Variants in TAF4 observed in about 807,000 individuals in gnomAD.
The protein encoded by TAF4 is TATA-box binding protein associated factor 4.
In TAF4, 9 loss-of-function variants were observed where a neutral mutation model predicts 90.3. The observed-to-expected ratio is 0.10, with a 90% CI of 0.06 to 0.17. The LOEUF (loss-of-function observed/expected upper bound fraction) is 0.17. Ranked by LOEUF, TAF4 falls within the 10% of genes least tolerant of loss-of-function variation. The pLI is 1.00. For missense variants in TAF4, 1,351 were observed against 1,370.7 expected (o/e 0.99, Z 0.23); for synonymous variants, 818 against 638.9 (o/e 1.28, Z -4.23).
rs373966914 is a variant in TAF4 at position 62,006,732 on chromosome 20, C to T, written c.2001G>A (p.Leu667=). 6.5e-6 allele frequency: 10 copies of T among 1,543,706 alleles called. No individual in the cohort carries two copies. Among genetic ancestry groups the T allele is most frequent in the African/African-American group, 1.4e-5 (1 of 71,994 alleles). ...LKRSLPALRQ[L]TPDSAAFIQQ... ...GGATGAAGGCCGCGGAGTCGGGGGT[C>T]AGCTGTCTCAAGGCGGGTAAGCTCC... Residue 667 remains leucine (L), a synonymous_variant, in exon 7 of 15, where the codon CTG becomes CTA. Transcript: ENST00000252996. This position sits in a 1 kb window ranked among gnomAD's most constrained non-coding sequence, Gnocchi z 7.0.
At chr20:62,040,328 G>A (rs76821873) in intron 1 of TAF4, among the ~76,000 whole-genome samples, 1,665 of 152,316 alleles carry the variant, frequency 0.011, 9 homozygotes, top group Non-Finnish European at 0.017. Flanking sequence ...CACACCACTT[G>A]GGCACCACGC....
In TAF4 at chr20:62,003,225, A is replaced by T. The variant is rs1322110880; in HGVS notation, c.2421T>A (p.Ala807=). 1 of 1,614,190 alleles carries T rather than the reference A, an allele frequency of 6.2e-7. No individual in the cohort carries two copies. The highest frequency in any genetic ancestry group is 2.2e-5 in the East Asian group (1 of 44,878). The change falls in exon 9 of 15, where the codon GCT becomes GCA. Residue 807 remains alanine, a synonymous_variant. Transcript: ENST00000252996. ...AVLPGTKALS[A]VSAQAAAAQK... ...GTGCAGCAGCTGCTTGTGCCGAGAC[A>T]GCAGAAAGGGCTTTGGTTCCAGGTA...
At chr20:62,034,619 C>G (rs1443749619) in intron 1 of TAF4, among the ~76,000 whole-genome samples, 1 of 152,096 alleles carries the variant, frequency 6.6e-6, no homozygotes, top group Non-Finnish European at 1.5e-5. Flanking sequence ...CATGAGCCAT[C>G]ATTCCCAGCC....
chr20:61,997,528 C>T (rs2055670826), intron 14 of TAF4, 22 bp downstream of exon 14: 4 of 1,550,172 alleles, frequency 2.6e-6, no homozygotes, highest in East Asian at 2.4e-5. Context: ...CCCAGGACCT[C>T]GATCCCACAA....
intron 9 of TAF4, 127 bp downstream of exon 9, chr20:62,003,033 G>A (rs372220865): frequency 1.5e-5 from 10 of 660,822 alleles, no homozygotes; most frequent in East Asian, 2.7e-5. Flanking sequence ...CGTGAAGCAG[G>A]AGCCTTGGAG....
At position 62,059,781 on chromosome 20, in the gene TAF4, G is replaced by A. The variant is rs911615378; in HGVS notation, c.1360+4670C>T. 2.0e-5 allele frequency among the ~76,000 whole-genome samples: 3 copies of A among 152,182 alleles called. No homozygotes were observed. The South Asian group carries it at 6.2e-4, about 31-fold the overall frequency. ...ATGAAGAAGAAAAGCAAAGCACTTC[G>A]GGAACCCTGCAAATTACCCCAAATC... On this transcript the variant is annotated intron_variant, in intron 1 of 14. Coordinates refer to ENST00000252996, the MANE Select transcript of TAF4 (RefSeq NM_003185.4).
rs538229064 is a variant in TAF4, at chr20:62,023,506, G to A, written c.1361-8799C>T. ...GATGCATTAGAAAGCTCAGCACTTC[G>A]GAAGGCCGAGGCGGGGAGACTGCTT... On this transcript the variant is annotated intron_variant, in intron 1 of 14. Coordinates refer to ENST00000252996, the MANE Select transcript of TAF4 (RefSeq NM_003185.4). Among the ~76,000 whole-genome samples, 44 of 151,204 alleles carry A rather than the reference G, an allele frequency of 2.9e-4. 2 individuals carry two copies. Among genetic ancestry groups the A allele is most frequent in the Middle Eastern group, 3.5e-3 (1 of 288 alleles).
In TAF4 at chr20:62,065,685, G is replaced by T. The variant is rs1195774380; in HGVS notation, c.126C>A (p.His42Gln). ...GCACCTCGGGCGTGCGCGGCGCGAG[G>T]TGGTGGTGGTGGGCCGCGCTGGCCG... is the stretch of plus-strand genomic sequence containing the variant. Reference protein sequence around the residue: ...QLAASAAHHHHLAPRTPEVRA... With the variant: ...QLAASAAHHHQLAPRTPEVRA... The change falls in exon 1 of 15, where the codon CAC (histidine) becomes CAA (glutamine). Residue 42 changes from histidine (H) to glutamine (Q), a missense_variant. By Grantham distance (24) the His-to-Gln change is conservative. Transcript: ENST00000252996. The T allele has an allele frequency of 4.1e-6, 5 of 1,212,094 alleles. No individual in the cohort carries two copies. The African/African-American group carries it at 4.9e-5, about 12-fold the overall frequency. The allele number at this position is 1,212,094 out of a possible 1,614,324, so 75.1% of individuals were successfully genotyped here.
intron 1 of TAF4, among the ~76,000 whole-genome samples, chr20:62,044,102 C>T (rs1483337503): frequency 1.3e-5 from 2 of 152,212 alleles, no homozygotes; most frequent in East Asian, 3.8e-4. Flanking sequence ...TTTGCCTTGG[C>T]AGAGAAAAAT....
chr20:62,064,363 T>C (rs2056108853), intron 1 of TAF4, 88 bp downstream of exon 1: 1 of 1,259,072 alleles, frequency 7.9e-7, no homozygotes, highest in South Asian at 2.6e-5. Context: ...CAGATGACCT[T>C]AGCATTCCAC....
chr20:62,060,079 C>T (rs1223199531), intron 1 of TAF4, among the ~76,000 whole-genome samples: 2 of 152,352 alleles, frequency 1.3e-5, no homozygotes, highest in South Asian at 2.1e-4. Context: ...GACCAGACGC[C>T]GCCTCCCGGC....
intron 14 of TAF4, among the ~76,000 whole-genome samples, chr20:61,982,424 C>G (rs1212123507): frequency 1.4e-5 from 2 of 143,012 alleles, no homozygotes; most frequent in Admixed American, 1.4e-4. Flanking sequence ...CAAGAGGAGA[C>G]ACCAAAACCC....
intron 1 of TAF4, among the ~76,000 whole-genome samples, chr20:62,026,685 G>C (rs1163711304): frequency 6.6e-6 from 1 of 152,316 alleles, no homozygotes; most frequent in East Asian, 1.9e-4. Flanking sequence ...CTCGGCACAG[G>C]AAAGAGCAGC....
chr20:62,062,642 T>C (rs2056095786), intron 1 of TAF4, among the ~76,000 whole-genome samples: 1 of 152,182 alleles, frequency 6.6e-6, no homozygotes, highest in Admixed American at 6.5e-5. Flanking sequence ...GTTTTTCAAG[T>C]TGTCTCTTCA....
chr20:62,049,557 C>A (rs1365141883), intron 1 of TAF4, among the ~76,000 whole-genome samples: 2 of 151,326 alleles, frequency 1.3e-5, no homozygotes, highest in Non-Finnish European at 2.9e-5. Context: ...CTCTCCACAT[C>A]GTCCTGGGTC....
intron 14 of TAF4, among the ~76,000 whole-genome samples, chr20:61,992,223 T>G (rs534144994): frequency 6.6e-6 from 1 of 152,188 alleles, no homozygotes; most frequent in Non-Finnish European, 1.5e-5. Flanking sequence ...AGGGAGAGCT[T>G]ATGGTGTGTA....
chr20:62,006,274 G>T lies in TAF4; in HGVS notation c.2223+236C>A. ...CCCAGACAAGGCAGGGCGGGGACGT[G>T]CCGGTGGTTCAAAGCCAACTCAACT... On this transcript the variant is annotated intron_variant, in intron 7 of 14. Transcript: ENST00000252996. The surrounding 1 kb of genome is among the most constrained non-coding windows in gnomAD (Gnocchi z 7.0). 1 of 473,780 alleles carries T rather than the reference G, an allele frequency of 2.1e-6. No homozygotes were observed. Among genetic ancestry groups the T allele is most frequent in the Non-Finnish European group, 3.4e-6 (1 of 295,712 alleles). The allele number at this position is 473,780 out of a possible 1,614,324, so 29.3% of individuals were successfully genotyped here. A position where few individuals can be genotyped will look rare whatever the true frequency, so the allele number is the denominator to read the frequency against.
Position 62,036,057 on chromosome 20 carries a change from CTT to C in TAF4, c.1361-21352_1361-21351del, listed in dbSNP as rs1480705276. On this transcript the variant is annotated intron_variant, in intron 1 of 14. Transcript: ENST00000252996. ...TTTAAAAAAAAAAAAGAGTTTTGCT[CTT>C]GTTGCCCTGCCTCGAGTGCAGTGGC... Among the ~76,000 whole-genome samples the C allele has an allele frequency of 4.0e-5, 6 of 149,284 alleles. No individual in the cohort carries two copies. In the South Asian group the frequency reaches 1.1e-3, roughly 26 times the overall value.
chr20:62,057,378 T>C (rs1004012498), intron 1 of TAF4, among the ~76,000 whole-genome samples: 3 of 152,180 alleles, frequency 2.0e-5, no homozygotes, highest in East Asian at 3.9e-4. Context: ...CCACAGACCT[T>C]CTTACTGCAG....
Sources: gnomAD v4.1 joint callset for allele counts (sites outside exome capture counted in the v4.1 genomes callset) on GRCh38, gnomAD v4.1.1 for gene constraint, Gnocchi (gnomAD v3.1) non-coding constraint, MANE v1.5 for transcripts, NCBI Gene and HGNC (gene_info 2026-07-23, HGNC 2026-07-21) for gene names.